The following NSD2 variants were observed in gnomAD, a reference collection of about 807,000 sequenced individuals.
NSD2 encodes the protein nuclear receptor binding SET domain protein 2.
Under a neutral mutation model 139.0 loss-of-function variants are expected in NSD2, and 12 were observed. That is an observed-to-expected ratio of 0.09 (90% CI 0.06 to 0.14). The LOEUF is 0.14. NSD2 is among the 10% of genes least tolerant of loss of function. NSD2 has a pLI of 1.00. For synonymous variants in NSD2, 669 were observed against 648.7 expected (o/e 1.03, Z -0.48); for missense variants, 1,155 against 1,745.0 (o/e 0.66, Z 6.02).
At chr4:1,930,212 GGTGCTGCCCAGTGAGGACACT>G (rs1477815363) in intron 5 of NSD2, among the ~76,000 whole-genome samples, 4 of 152,190 alleles carry the variant, frequency 2.6e-5, no homozygotes, top group Non-Finnish European at 5.9e-5. Context: ...GACGAGGGTA[GGTGCTGCCCAGTGAGGACACT>G]GAGCTGAGCC....
intron 6 of NSD2, among the ~76,000 whole-genome samples, chr4:1,931,656 G>T (rs575320347): frequency 9.2e-5 from 14 of 152,274 alleles, no homozygotes; most frequent in African/African-American, 2.9e-4. Context: ...ACATGTGCCT[G>T]CTGTCACCTT....
intron 18 of NSD2, among the ~76,000 whole-genome samples, chr4:1,969,200 C>T (rs1235378025): frequency 6.6e-6 from 1 of 152,188 alleles, no homozygotes; most frequent in African/African-American, 2.4e-5. Flanking sequence ...AGAGATGACA[C>T]ATCTTTGAAA....
intron 11 of NSD2, among the ~76,000 whole-genome samples, chr4:1,952,490 A>G (rs1172311181): frequency 6.6e-6 from 1 of 152,132 alleles, no homozygotes; most frequent in African/African-American, 2.4e-5. Flanking sequence ...GCGGGATGAC[A>G]GGTCATGGGC....
At chr4:1,947,915 A>C (rs1723805860) in intron 9 of NSD2, 1 of 1,056,440 alleles carries the variant, frequency 9.5e-7, no homozygotes, top group African/African-American at 1.6e-5. Context: ...GCAGTCACAG[A>C]AGGTGGCATC....
chr4:1,914,874 G>A (rs1355097906), intron 3 of NSD2, among the ~76,000 whole-genome samples: 1 of 152,152 alleles, frequency 6.6e-6, no homozygotes, highest in East Asian at 1.9e-4. Context: ...AGCAGGGTGT[G>A]CCCTGCTGTG....
rs1727045262 is a variant in NSD2, at chr4:1,976,061, T to C, written c.3622-414T>C. Among the ~76,000 whole-genome samples, 1 of 152,126 alleles carries C rather than the reference T, an allele frequency of 6.6e-6. No individual in the cohort carries two copies. Among genetic ancestry groups the C allele is most frequent in the Admixed American group, 6.5e-5 (1 of 15,270 alleles). ...TCCTCAGCCGTGTTGCTGAGGATGG[T>C]CACTGCCCTCAGGTCACTGCCGCCC... On this transcript the variant is annotated intron_variant, in intron 20 of 21. Coordinates refer to ENST00000508803, the MANE Select transcript of NSD2 (RefSeq NM_001042424.3). This position sits in a 1 kb window ranked among gnomAD's most constrained non-coding sequence, Gnocchi z 5.3.
At chr4:1,952,833 G>T (rs1305279858) in intron 11 of NSD2, 32 of 1,228,792 alleles carry the variant, frequency 2.6e-5, no homozygotes, top group Non-Finnish European at 3.2e-5. Flanking sequence ...CTACTCACCG[G>T]GCCCAAGGAG....
At chr4:1,910,316 C>T (rs1445838409) in intron 3 of NSD2, among the ~76,000 whole-genome samples, 1 of 151,920 alleles carries the variant, frequency 6.6e-6, no homozygotes, top group East Asian at 1.9e-4. Flanking sequence ...ACCTCTGTCT[C>T]CCAGGTTCAA....
chr4:1,950,273 T>C (rs1724070207), intron 9 of NSD2, among the ~76,000 whole-genome samples: 1 of 152,308 alleles, frequency 6.6e-6, no homozygotes, highest in East Asian at 1.9e-4. Context: ...GTGATTTCTA[T>C]TAAATGAAGG....
chr4:1,908,034 A>G (rs1271218920), intron 3 of NSD2, among the ~76,000 whole-genome samples: 2 of 152,216 alleles, frequency 1.3e-5, no homozygotes, highest in African/African-American at 4.8e-5. Context: ...CATCAGTAAC[A>G]AGATCTGTTG....
In NSD2 at chr4:1,872,625, A is replaced by AGAGAGAGAGAGAGG. The variant is rs1560534095; in HGVS notation, c.-30+1094_-30+1095insAGGGAGAGAGAGAG. Among the ~76,000 whole-genome samples, 4 of 144,118 alleles carry AGAGAGAGAGAGAGG rather than the reference A, an allele frequency of 2.8e-5. No individual in the cohort carries two copies. The South Asian group carries it at 8.9e-4, about 32-fold the overall frequency. 94.5% of individuals were successfully genotyped at this position (144,118 alleles called of 152,430 possible). A position where few individuals can be genotyped will look rare whatever the true frequency, so the allele number is the denominator to read the frequency against. On this transcript the variant is annotated intron_variant, in intron 1 of 21. Transcript: ENST00000508803. ...GAGAGAGAGAGAGAGAGAGAGAGAG[A>AGAGAGAGAGAGAGG]GAGAGAGAGAGCGCGCAGACCCTGT...
At chr4:1,928,978 G>T (rs900072879) in intron 5 of NSD2, among the ~76,000 whole-genome samples, 8 of 152,112 alleles carry the variant, frequency 5.3e-5, no homozygotes, top group African/African-American at 1.9e-4. Context: ...CATATGCAGG[G>T]CTGGGGACAG....
intron 17 of NSD2, among the ~76,000 whole-genome samples, chr4:1,960,357 C>G (rs946896640): frequency 3.3e-5 from 5 of 152,204 alleles, no homozygotes; most frequent in Non-Finnish European, 4.4e-5. Context: ...CACTCACCAG[C>G]AGGCGTAAGG....
Position 1,980,145 on chromosome 4 carries a change from T to C in NSD2, c.*1236T>C, listed in dbSNP as rs904619909. ...GTGTGCGTGCCTCGTACGTGTGTTA[T>C]GGGCACTGGTCTAGGCCAGGTATGA... On this transcript the variant is annotated 3_prime_UTR_variant, in exon 22 of 22. Coordinates refer to ENST00000508803, the MANE Select transcript of NSD2 (RefSeq NM_001042424.3). 8.6e-6 allele frequency: 2 copies of C among 233,286 alleles called. No homozygotes were observed. The highest frequency in any genetic ancestry group is 6.0e-5 in the East Asian group (1 of 16,610). 14.5% of individuals were successfully genotyped at this position (233,286 alleles called of 1,614,324 possible).
chr4:1,979,323 T>C lies in NSD2; in HGVS notation c.*414T>C, dbSNP rs1397739916. 1 of 241,072 alleles carries C rather than the reference T, an allele frequency of 4.1e-6. No individual in the cohort carries two copies. Among genetic ancestry groups the C allele is most frequent in the African/African-American group, 2.2e-5 (1 of 45,654 alleles). 14.9% of individuals were successfully genotyped at this position (241,072 alleles called of 1,614,324 possible). A position where few individuals can be genotyped will look rare whatever the true frequency, so the allele number is the denominator to read the frequency against. Reference sequence around the variant, plus strand: ...GTCTTCGCGTTGCCCCCTTTCTGGCTCTCAGCGCCGTCGCCACTCGGGAGA... The same window carrying C: ...GTCTTCGCGTTGCCCCCTTTCTGGCCCTCAGCGCCGTCGCCACTCGGGAGA... On this transcript the variant is annotated 3_prime_UTR_variant, in exon 22 of 22. Transcript: ENST00000508803.
intron 9 of NSD2, among the ~76,000 whole-genome samples, chr4:1,949,986 A>G (rs1406719468): frequency 6.6e-6 from 1 of 152,206 alleles, no homozygotes; most frequent in Non-Finnish European, 1.5e-5. Context: ...TTCATTGGCA[A>G]ACAGCAAGCC....
chr4:1,939,607 TC>T lies in NSD2; in HGVS notation c.1757-46del, dbSNP rs1463104760. On this transcript the variant is annotated intron_variant, in intron 8 of 21. Coordinates refer to ENST00000508803, the MANE Select transcript of NSD2 (RefSeq NM_001042424.3). ...GGGTAATTTTTAAGCAGTAAAAAGATCAAGGGTTTATGATTTGAAACTTTAC... is the reference window on the plus strand; with the variant it reads ...GGGTAATTTTTAAGCAGTAAAAAGATAAGGGTTTATGATTTGAAACTTTAC... 15 of 1,585,828 alleles carry T rather than the reference TC, an allele frequency of 9.5e-6. No individual in the cohort carries two copies. The Admixed American group carries it at 1.0e-4, about 11-fold the overall frequency.
chr4:1,898,827 GA>G (rs1262365777), intron 1 of NSD2, among the ~76,000 whole-genome samples: 1 of 151,822 alleles, frequency 6.6e-6, no homozygotes, highest in Non-Finnish European at 1.5e-5. Flanking sequence ...CTCTCCTTGA[GA>G]TTTCCCCCCT....
intron 9 of NSD2, chr4:1,944,097 A>T: frequency 9.4e-7 from 1 of 1,066,316 alleles, no homozygotes; most frequent in Non-Finnish European, 1.1e-6. Context: ...GGGTGGGGTG[A>T]CATCGTTCCC....
Sources: gnomAD v4.1 joint callset for allele counts (sites outside exome capture counted in the v4.1 genomes callset) on GRCh38, gnomAD v4.1.1 for gene constraint, Gnocchi (gnomAD v3.1) non-coding constraint, MANE v1.5 for transcripts, NCBI Gene and HGNC (gene_info 2026-07-23, HGNC 2026-07-21) for gene names.